MAP3K7: variants seen among roughly 807,000 people sequenced by gnomAD.
MAP3K7 encodes mitogen-activated protein kinase kinase kinase 7.
MAP3K7 carries 21 observed loss-of-function variants against 84.8 expected under a neutral mutation model. The ratio of observed to expected loss-of-function variants is 0.25; its 90% confidence interval spans 0.18 to 0.36. The LOEUF is 0.36. MAP3K7 is among the 10% of genes least tolerant of loss of function. The pLI is 1.00. For missense variants in MAP3K7, 503 were observed against 747.7 expected, an observed-to-expected ratio of 0.67 and a Z score of 3.82; for synonymous variants, 241 against 247.7, an observed-to-expected ratio of 0.97 and a Z score of 0.25.
chr6:90,577,306 C>CA (rs1372578155), intron 1 of MAP3K7, among the ~76,000 whole-genome samples: 2 of 152,004 alleles, frequency 1.3e-5, no homozygotes, highest in South Asian at 4.1e-4. Flanking sequence ...TTTAATAACT[C>CA]AGAGTTTGGT....
intron 12 of MAP3K7, 187 bp from the exon 13 acceptor site, chr6:90,536,588 G>A: frequency 1.8e-6 from 1 of 559,428 alleles, no homozygotes; most frequent in South Asian, 2.1e-5. Context: ...GAAAGGAAGA[G>A]AAACAGCTGC....
chr6:90,550,706 T>C (rs1776154423), intron 8 of MAP3K7, 157 bp from the exon 9 acceptor site: 2 of 526,788 alleles, frequency 3.8e-6, no homozygotes, highest in Non-Finnish European at 6.7e-6. Flanking sequence ...ATTTCAACTT[T>C]GATCAATGCC....
intron 4 of MAP3K7, among the ~76,000 whole-genome samples, chr6:90,561,297 TGAG>T (rs1776506091): frequency 6.6e-6 from 1 of 151,854 alleles, no homozygotes; most frequent in South Asian, 2.1e-4. Context: ...AATTCTAAAA[TGAG>T]GAGGCTCAAA....
At chr6:90,535,524 C>A (rs1413853173) in intron 13 of MAP3K7, among the ~76,000 whole-genome samples, 2 of 151,854 alleles carry the variant, frequency 1.3e-5, no homozygotes, top group Non-Finnish European at 2.9e-5. Context: ...TATTCTTGTA[C>A]AGCTGAAAAC....
intron 12 of MAP3K7, chr6:90,536,842 G>C (rs1451857058): frequency 6.3e-6 from 1 of 158,248 alleles, no homozygotes; most frequent in Non-Finnish European, 1.4e-5. Context: ...GCAATACCTT[G>C]TTCATTTCAG....
intron 12 of MAP3K7, among the ~76,000 whole-genome samples, chr6:90,537,479 A>G (rs755532934): frequency 6.6e-6 from 1 of 152,012 alleles, no homozygotes; most frequent in Non-Finnish European, 1.5e-5. Context: ...TGCTGCAGAT[A>G]AACTAAAAGG....
chr6:90,547,439 A>G (rs1434180519), intron 10 of MAP3K7, 52 bp from the exon 11 acceptor site: 2 of 1,588,446 alleles, frequency 1.3e-6, no homozygotes, highest in East Asian at 2.3e-5. Flanking sequence ...AGATTTAGCA[A>G]TCTTAGGCAA....
chr6:90,568,660 A>G (rs757047312), intron 2 of MAP3K7, 37 bp from the exon 3 acceptor site: 2 of 1,466,386 alleles, frequency 1.4e-6, no homozygotes, highest in African/African-American at 2.8e-5. Flanking sequence ...AAAAGTGATA[A>G]CTTTTGAAGT....
chr6:90,517,380 TAAA>T (rs1472063161), intron 16 of MAP3K7, among the ~76,000 whole-genome samples: 1 of 150,952 alleles, frequency 6.6e-6, no homozygotes, highest in African/African-American at 2.4e-5. Context: ...GAATAATTAA[TAAA>T]AAGTCCTCAA....
At chr6:90,526,093 T>C (rs1775313434) in intron 13 of MAP3K7, among the ~76,000 whole-genome samples, 1 of 152,104 alleles carries the variant, frequency 6.6e-6, no homozygotes, top group South Asian at 2.1e-4. Flanking sequence ...TCCTCCCACC[T>C]TGGCCTCCCA....
chr6:90,514,467 T>C lies in MAP3K7; in HGVS notation c.*2034A>G, dbSNP rs932886969. On this transcript the variant is annotated 3_prime_UTR_variant, in exon 17 of 17. Coordinates refer to ENST00000369329, the MANE Select transcript of MAP3K7 (RefSeq NM_145331.3). ...CAACAGCCTCTTGCATTTGGTACCA[T>C]GACTAAAATCTACTATTTTCTTCCA... is the stretch of plus-strand genomic sequence containing the variant. The C allele has an allele frequency of 5.3e-5, 8 of 152,084 alleles. No homozygotes were observed. The highest frequency in any genetic ancestry group is 6.6e-5 in the Admixed American group (1 of 15,230). The allele number at this position is 152,084 out of a possible 1,614,324, so 9.4% of individuals were successfully genotyped here.
intron 13 of MAP3K7, among the ~76,000 whole-genome samples, chr6:90,524,917 TA>T (rs1340475840): frequency 6.6e-6 from 1 of 152,128 alleles, no homozygotes; most frequent in African/African-American, 2.4e-5. Flanking sequence ...GCATGAATGT[TA>T]AAATTTCAAA....
intron 13 of MAP3K7, among the ~76,000 whole-genome samples, chr6:90,530,846 C>G (rs1003447430): frequency 6.6e-6 from 1 of 152,072 alleles, no homozygotes; most frequent in Non-Finnish European, 1.5e-5. Context: ...TGCTTGTAAC[C>G]AACTACTGAA....
chr6:90,540,667 TTA>T (rs1775828488), intron 12 of MAP3K7, among the ~76,000 whole-genome samples: 2 of 151,908 alleles, frequency 1.3e-5, no homozygotes, highest in African/African-American at 4.8e-5. Flanking sequence ...TAATTACAGT[TTA>T]TTTCCTTAAA....
At chr6:90,546,030 A>T (rs936295018) in intron 11 of MAP3K7, among the ~76,000 whole-genome samples, 2 of 152,182 alleles carry the variant, frequency 1.3e-5, no homozygotes, top group African/African-American at 4.8e-5. Flanking sequence ...GCTATACAGT[A>T]GGGATTACAG....
rs375179983 is a variant in MAP3K7 at position 90,519,313 on chromosome 6, T to C, written c.1469A>G (p.Asn490Ser). 167 of 1,573,598 alleles carry C rather than the reference T, an allele frequency of 1.1e-4. No individual in the cohort carries two copies. Among genetic ancestry groups the C allele is most frequent in the Middle Eastern group, 1.7e-4 (1 of 5,970 alleles). Residue 490 changes from asparagine to serine, a missense_variant, in exon 15 of 17, where the codon AAT (asparagine) becomes AGT (serine). Physicochemically the swap from Asn to Ser is conservative, Grantham distance 46 (BLOSUM62 1). Around this residue, in one of 5 missense-constraint regions of MAP3K7, gnomAD observed 286 missense variants for 313.6 expected, o/e 0.91. Transcript: ENST00000369329. Reference protein sequence around the residue: ...PWTPDDSTDTNGSDNSIPMAY... With the variant: ...PWTPDDSTDTSGSDNSIPMAY... ...CATTGGGATGGAGTTATCTGATCCA[T>C]TGGTATCTGGAATTCAAGCATGTAT...
chr6:90,535,403 C>T lies in MAP3K7; in HGVS notation c.1356+934G>A, dbSNP rs915627835. 3.3e-5 allele frequency among the ~76,000 whole-genome samples: 5 copies of T among 151,724 alleles called. No individual in the cohort carries two copies. The South Asian group carries it at 6.2e-4, about 19-fold the overall frequency. On this transcript the variant is annotated intron_variant, in intron 13 of 16. Coordinates refer to ENST00000369329, the MANE Select transcript of MAP3K7 (RefSeq NM_145331.3). ...TAAAATTTTACAAAAATATGGGTCACGATGTAATAATTTCATTACTTAATA... is the reference window on the plus strand; with the variant it reads ...TAAAATTTTACAAAAATATGGGTCATGATGTAATAATTTCATTACTTAATA...
chr6:90,547,159 A>G (rs940240983), intron 11 of MAP3K7, 99 bp downstream of exon 11: 3 of 1,354,950 alleles, frequency 2.2e-6, no homozygotes, highest in Admixed American at 2.4e-5. Flanking sequence ...TTTAAAAAAA[A>G]ATATAAGACA....
chr6:90,553,368 T>G, intron 7 of MAP3K7, 90 bp downstream of exon 7: 1 of 1,222,208 alleles, frequency 8.2e-7, no homozygotes, highest in Non-Finnish European at 1.2e-6. Context: ...ATGTTAGAGA[T>G]AAATGATATT....
Sources: allele counts gnomAD v4.1 joint callset (sites outside exome capture counted in the v4.1 genomes callset), GRCh38; gene constraint gnomAD v4.1.1; regional missense constraint gnomAD v4.1.1; transcripts MANE v1.5; gene names NCBI Gene and HGNC (gene_info 2026-07-23, HGNC 2026-07-21).